Variants in NCOA7 observed in about 807,000 individuals in gnomAD.
NCOA7 encodes the protein 140 kDa estrogen receptor-associated protein.
Under a neutral mutation model 104.3 loss-of-function variants are expected in NCOA7, and 45 were observed. The observed-to-expected ratio is 0.43, with a 90% CI of 0.34 to 0.55. NCOA7 has a LOEUF of 0.55. Ranked by LOEUF, NCOA7 falls within the 20% of genes least tolerant of loss-of-function variation. NCOA7 has a pLI of 0.02. For synonymous variants in NCOA7, 398 were observed against 402.3 expected, an observed-to-expected ratio of 0.99 and a Z score of 0.13; for missense variants, 1,041 against 1,119.7, an observed-to-expected ratio of 0.93 and a Z score of 1.00.
intron 4 of NCOA7, among the ~76,000 whole-genome samples, chr6:125,876,852 A>G (rs1359309462): frequency 6.6e-6 from 1 of 151,932 alleles, no homozygotes; most frequent in African/African-American, 2.4e-5. Flanking sequence ...GCTTAGTTTC[A>G]GTCATTTGAT....
At chr6:125,848,352 T>G (rs1780809973) in intron 2 of NCOA7, among the ~76,000 whole-genome samples, 1 of 152,158 alleles carries the variant, frequency 6.6e-6, no homozygotes, top group Admixed American at 6.5e-5. Context: ...CATGCACATG[T>G]ATGTTTATTG....
chr6:125,840,892 T>G (rs1780096265), intron 2 of NCOA7, among the ~76,000 whole-genome samples: 5 of 52,304 alleles, frequency 9.6e-5, no homozygotes, highest in African/African-American at 2.0e-4. Flanking sequence ...TTTTTTTTTT[T>G]TTTTTTTTTT....
At chr6:125,883,034 C>G (rs1257564163) in intron 7 of NCOA7, among the ~76,000 whole-genome samples, 1 of 152,206 alleles carries the variant, frequency 6.6e-6, no homozygotes, top group Non-Finnish European at 1.5e-5. Context: ...AGCACCTAAT[C>G]TGGCTAAATA....
chr6:125,850,791 CAGA>C (rs1198921423), intron 2 of NCOA7, among the ~76,000 whole-genome samples: 1 of 152,160 alleles, frequency 6.6e-6, no homozygotes, highest in Non-Finnish European at 1.5e-5. Flanking sequence ...GCCAATACAT[CAGA>C]ATCAGCCCAT....
At chr6:125,842,542 A>C (rs1780267649) in intron 2 of NCOA7, among the ~76,000 whole-genome samples, 1 of 152,234 alleles carries the variant, frequency 6.6e-6, no homozygotes, top group Admixed American at 6.5e-5. Context: ...AAAATAATTT[A>C]AAAAGGTTTC....
In NCOA7 at chr6:125,915,483, G is replaced by T. The variant is rs199557348; in HGVS notation, c.2244+3G>T. 1 of 1,613,556 alleles carries T rather than the reference G, an allele frequency of 6.2e-7. No homozygotes were observed. The highest frequency in any genetic ancestry group is 8.5e-7 in the Non-Finnish European group (1 of 1,179,666). On this transcript the variant is annotated splice_donor_region_variant and intron_variant, in intron 11 of 15. Transcript: ENST00000392477. ...AGCCAACAACCAAGAGCTGGGAGGT[G>T]AGCACTTGGGCAGGGTTAGACCGTC...
chr6:125,844,394 T>C (rs1030298689), intron 2 of NCOA7, among the ~76,000 whole-genome samples: 2 of 152,214 alleles, frequency 1.3e-5, no homozygotes, highest in Non-Finnish European at 2.9e-5. Context: ...AAAAAAAGAA[T>C]GCATGTCTCC....
Position 125,868,102 on chromosome 6 carries a change from ATTCTT to A in NCOA7, c.272-6786_272-6782del, listed in dbSNP as rs769061185. On this transcript the variant is annotated intron_variant, in intron 3 of 15. Transcript: ENST00000392477. ...ATTCATCATTAAAGAAGTTCACTCT[ATTCTT>A]AGTTTTCTAACAGTTGGAATTTTTT... is the stretch of plus-strand genomic sequence containing the variant. Among the ~76,000 whole-genome samples, 179 of 152,314 alleles carry A rather than the reference ATTCTT, an allele frequency of 1.2e-3. 1 individual carries two copies. Among genetic ancestry groups the A allele is most frequent in the East Asian group, 2.3e-3 (12 of 5,194 alleles).
upstream of NCOA7, among the ~76,000 whole-genome samples, chr6:125,790,508 C>G (rs996344441): frequency 7.9e-5 from 12 of 152,152 alleles, no homozygotes; most frequent in Non-Finnish European, 1.5e-4. Flanking sequence ...CCGCCGGGAT[C>G]GCGGCAGCGG....
rs544994013 is a variant in NCOA7 at position 125,880,360 on chromosome 6, A to T, written c.460-730A>T. ...ATGCTTCTCTCTCCTCATTTCCCTT[A>T]TACTATTAGTCTCCCACCTTGGAGG... On this transcript the variant is annotated intron_variant, in intron 5 of 15. Coordinates refer to ENST00000392477, the MANE Select transcript of NCOA7 (RefSeq NM_181782.5). 4.3e-3 allele frequency among the ~76,000 whole-genome samples: 654 copies of T among 151,984 alleles called. 4 individuals are homozygous for T. The highest frequency in any genetic ancestry group is 5.7e-3 in the Non-Finnish European group (384 of 67,936).
intron 10 of NCOA7, among the ~76,000 whole-genome samples, chr6:125,897,104 C>A (rs561064870): frequency 6.6e-6 from 1 of 152,176 alleles, no homozygotes; most frequent in African/African-American, 2.4e-5. Context: ...AAATGAGTAA[C>A]GTATACATGC....
intron 1 of NCOA7, among the ~76,000 whole-genome samples, chr6:125,794,136 G>C (rs1280855870): frequency 2.0e-5 from 3 of 152,146 alleles, no homozygotes; most frequent in Admixed American, 2.0e-4. Context: ...AATACAGTCA[G>C]AGGAAACTTA....
rs1447673584 is a variant in NCOA7, at chr6:125,882,814, G to T, written c.699+263G>T. On this transcript the variant is annotated intron_variant, in intron 7 of 15. Transcript: ENST00000392477. The stretch of plus-strand genomic sequence containing the variant: ...TTAGTTTGGGCCTATGAATTGTTAG[G>T]GAGACAATATACTGTACATATAACA... Among the ~76,000 whole-genome samples the T allele has an allele frequency of 6.6e-6, 1 of 152,022 alleles. No homozygotes were observed. The highest frequency in any genetic ancestry group is 1.5e-5 in the Non-Finnish European group (1 of 67,984).
intron 7 of NCOA7, 72 bp from the exon 8 acceptor site, chr6:125,885,087 A>G: frequency 6.5e-7 from 1 of 1,529,320 alleles, no homozygotes; most frequent in South Asian, 1.2e-5. Context: ...ATCTGAGTTA[A>G]TTAAAGCTCT....
At position 125,889,292 on chromosome 6, in the gene NCOA7, A is replaced by G. The variant is rs1784458211; in HGVS notation, c.1238A>G (p.Asp413Gly). The part of the protein sequence containing the change: ...STAKENFLGE[D>G]DDFVDLEELS... ...GCCAAAGAAAACTTTCTAGGGGAAG[A>G]TGATGATTTTGTTGACTTGGAAGAA... is the stretch of plus-strand genomic sequence containing the variant. The change falls in exon 9 of 16, where the codon GAT (aspartate) becomes GGT (glycine). Residue 413 changes from aspartate (D) to glycine (G), a missense_variant. By Grantham distance (94) the Asp-to-Gly change is moderately conservative (BLOSUM62 -1). Transcript: ENST00000392477. 2 of 1,614,024 alleles carry G rather than the reference A, an allele frequency of 1.2e-6. No homozygotes were observed. The highest frequency in any genetic ancestry group is 8.5e-7 in the Non-Finnish European group (1 of 1,180,010).
At chr6:125,822,994 GA>G (rs34629320) in intron 2 of NCOA7, among the ~76,000 whole-genome samples, 101,794 of 148,118 alleles carry the variant, frequency 0.69, 35,343 homozygotes, top group East Asian at 0.91. Flanking sequence ...GTGATAAATA[GA>G]AAAAAAAAAT....
intron 13 of NCOA7, among the ~76,000 whole-genome samples, chr6:125,925,339 A>G (rs1787931096): frequency 6.6e-6 from 1 of 152,230 alleles, no homozygotes; most frequent in South Asian, 2.1e-4. Context: ...TAGACCATCT[A>G]CTTTACCAGA....
intron 1 of NCOA7, among the ~76,000 whole-genome samples, chr6:125,806,531 C>T (rs376189633): frequency 1.3e-5 from 2 of 151,996 alleles, no homozygotes; most frequent in African/African-American, 2.4e-5. Context: ...CTAGTTTACC[C>T]GTGGGGCTTG....
chr6:125,859,236 G>C (rs1781844070), intron 3 of NCOA7, among the ~76,000 whole-genome samples: 1 of 150,358 alleles, frequency 6.7e-6, no homozygotes, highest in Non-Finnish European at 1.5e-5. Context: ...GTGTGAGGGA[G>C]GAAAAAAAAA....
Sources: allele counts gnomAD v4.1 joint callset (sites outside exome capture counted in the v4.1 genomes callset), GRCh38; gene constraint gnomAD v4.1.1; transcripts MANE v1.5; gene names NCBI Gene and HGNC (gene_info 2026-07-23, HGNC 2026-07-21).